The following PTPRT variants were observed in gnomAD, a reference collection of about 807,000 sequenced individuals.
PTPRT encodes the protein receptor-type tyrosine-protein phosphatase T.
PTPRT carries 56 observed loss-of-function variants against 176.8 expected under a neutral mutation model. The ratio of observed to expected loss-of-function variants is 0.32; its 90% CI spans 0.26 to 0.40. The LOEUF is 0.40. Ranked by LOEUF, PTPRT falls within the 10% of genes least tolerant of loss-of-function variation. PTPRT has a pLI of 1.00. For synonymous variants in PTPRT, 783 were observed against 739.0 expected (o/e 1.06, Z -0.96); for missense variants, 1,540 against 1,908.2 (o/e 0.81, Z 3.60).
intron 7 of PTPRT, among the ~76,000 whole-genome samples, chr20:42,666,790 G>T (rs998283382): frequency 6.6e-6 from 1 of 152,116 alleles, no homozygotes. Flanking sequence ...TTTAAGAATA[G>T]GATACATTTT....
intron 9 of PTPRT, among the ~76,000 whole-genome samples, chr20:42,379,359 AAATCCCAAC>A (rs1457120864): frequency 6.6e-6 from 1 of 152,276 alleles, no homozygotes; most frequent in East Asian, 1.9e-4. Context: ...AGCAATAGAG[AAATCCCAAC>A]TGTTTAATCA....
the PTPRT span, among the ~76,000 whole-genome samples, chr20:42,062,292 T>C: frequency 1.1e-4 from 17 of 152,104 alleles, no homozygotes; most frequent in African/African-American, 3.9e-4. Context: ...GTCAGACATG[T>C]AAAGCAATGT....
intron 7 of PTPRT, among the ~76,000 whole-genome samples, chr20:42,609,237 C>A (rs981411995): frequency 3.3e-5 from 5 of 151,936 alleles, no homozygotes; most frequent in African/African-American, 1.2e-4. Flanking sequence ...CCATGCCGGG[C>A]TAATTTTTGT....
chr20:42,322,632 T>C (rs999603974), intron 11 of PTPRT, among the ~76,000 whole-genome samples: 5 of 151,210 alleles, frequency 3.3e-5, no homozygotes, highest in African/African-American at 9.8e-5. Flanking sequence ...AAGACTTAAA[T>C]GTTAGACCTA....
At chr20:42,066,563 A>G in the PTPRT span, among the ~76,000 whole-genome samples, 1 of 152,192 alleles carries the variant, frequency 6.6e-6, no homozygotes, top group East Asian at 1.9e-4. Flanking sequence ...TACATACTGC[A>G]TAATAACTAT....
Position 42,302,800 on chromosome 20 carries a change from A to G in PTPRT, c.2139+12923T>C, listed in dbSNP as rs774796608. ...CTCCTTACAGAGGAGCTCATGACCA[A>G]TGAAGGCACAATTCTGCAGAGTAAA... is the stretch of plus-strand genomic sequence containing the variant. On this transcript the variant is annotated intron_variant, in intron 12 of 30. Transcript: ENST00000373187. Among the ~76,000 whole-genome samples the G allele has an allele frequency of 4.2e-4, 64 of 152,226 alleles. 1 individual carries two copies. Among genetic ancestry groups the G allele is most frequent in the Admixed American group, 5.2e-4 (8 of 15,282 alleles).
intron 2 of PTPRT, among the ~76,000 whole-genome samples, chr20:42,855,636 T>C (rs1000332177): frequency 6.6e-6 from 1 of 152,098 alleles, no homozygotes; most frequent in Non-Finnish European, 1.5e-5. Flanking sequence ...TTCGCCATGT[T>C]GGCCAGGCTT....
At chr20:42,185,923 T>C (rs1990762478) in intron 16 of PTPRT, among the ~76,000 whole-genome samples, 1 of 152,086 alleles carries the variant, frequency 6.6e-6, no homozygotes, top group South Asian at 2.1e-4. Context: ...AACAAAAACA[T>C]GGTCCTCCTT....
rs151037506 is a variant in PTPRT at position 42,990,140 on chromosome 20, T to C, written c.89-104208A>G. On this transcript the variant is annotated intron_variant, in intron 1 of 30. Transcript: ENST00000373187. The stretch of plus-strand genomic sequence containing the variant: ...GAGATATTAAAAAACATATGCACTT[T>C]TAAAAGACATTTTAAAGTCTATGGG... Among the ~76,000 whole-genome samples, 699 of 152,332 alleles carry C rather than the reference T, an allele frequency of 4.6e-3. 1 individual carries two copies. The highest frequency in any genetic ancestry group is 0.024 in the Middle Eastern group (7 of 294).
At chr20:42,980,008 A>C in intron 1 of PTPRT, among the ~76,000 whole-genome samples, 1 of 150,830 alleles carries the variant, frequency 6.6e-6, no homozygotes, top group Non-Finnish European at 1.5e-5. Flanking sequence ...GGTCTTCCTG[A>C]GAGAAAGCAA....
At chr20:42,639,249 T>C (rs544508443) in intron 7 of PTPRT, among the ~76,000 whole-genome samples, 1 of 152,188 alleles carries the variant, frequency 6.6e-6, no homozygotes, top group Admixed American at 6.5e-5. Context: ...AGCTAAGAAA[T>C]AATAGAACAA....
intron 1 of PTPRT, among the ~76,000 whole-genome samples, chr20:42,897,541 C>A (rs1423872108): frequency 1.3e-5 from 2 of 152,206 alleles, no homozygotes; most frequent in Non-Finnish European, 2.9e-5. Flanking sequence ...AGAACCAAAT[C>A]TGATGCCTTC....
At chr20:42,061,919 A>T in the PTPRT span, among the ~76,000 whole-genome samples, 1 of 152,222 alleles carries the variant, frequency 6.6e-6, no homozygotes, top group Admixed American at 6.5e-5. Context: ...CCTGAGAGTG[A>T]CATCAGTTTC....
At chr20:42,576,989 G>A (rs905698185) in intron 7 of PTPRT, among the ~76,000 whole-genome samples, 2 of 152,072 alleles carry the variant, frequency 1.3e-5, no homozygotes, top group Non-Finnish European at 2.9e-5. Flanking sequence ...AATGGTCAGG[G>A]ACAATGTCAG....
Position 42,315,887 on chromosome 20 carries a change from C to A in PTPRT, c.1975G>T (p.Asp659Tyr), listed in dbSNP as rs371433526. The A allele has an allele frequency of 1.2e-6, 2 of 1,613,956 alleles. No homozygotes were observed. The highest frequency in any genetic ancestry group is 2.2e-5 in the South Asian group (2 of 91,056). Residue 659 changes from aspartate (D) to tyrosine (Y), a missense_variant, in exon 12 of 31, where the codon GAT (aspartate) becomes TAT (tyrosine). Asp to Tyr is a radical substitution (Grantham distance 160). This residue lies in a region of PTPRT where 81 missense variants were observed against 89.9 expected (regional missense o/e 0.90). Transcript: ENST00000373187. ...TCAGCAGCAAAGTAGTGTAGAGAATCGAGGCTGGAGGCATTCCGATAGCTC... is the reference window on the plus strand; with the variant it reads ...TCAGCAGCAAAGTAGTGTAGAGAATAGAGGCTGGAGGCATTCCGATAGCTC... ...PVSYRNASSL[D>Y]SLHYFAAELK... is the part of the protein sequence containing the mutation.
At chr20:42,278,935 T>C (rs1308916968) in intron 13 of PTPRT, among the ~76,000 whole-genome samples, 1 of 152,180 alleles carries the variant, frequency 6.6e-6, no homozygotes, top group East Asian at 1.9e-4. Context: ...GTTGAGCCCA[T>C]CCCTCATCTT....
At chr20:42,134,221 G>T (rs764917786) in intron 18 of PTPRT, among the ~76,000 whole-genome samples, 1 of 152,178 alleles carries the variant, frequency 6.6e-6, no homozygotes, top group East Asian at 1.9e-4. Context: ...AAGATGGGGC[G>T]GCAGGCGATG....
intron 1 of PTPRT, among the ~76,000 whole-genome samples, chr20:43,140,712 T>C (rs1311500624): frequency 6.6e-6 from 1 of 152,186 alleles, no homozygotes; most frequent in African/African-American, 2.4e-5. Flanking sequence ...CCATTCAGTG[T>C]TTCAGATTCA....
chr20:42,150,624 G>C (rs959239820), intron 17 of PTPRT, among the ~76,000 whole-genome samples: 3 of 152,290 alleles, frequency 2.0e-5, no homozygotes, highest in Admixed American at 6.5e-5. Context: ...TGCGAGTCAG[G>C]GAAAAGGCAG....
Sources: allele counts gnomAD v4.1 joint callset (sites outside exome capture counted in the v4.1 genomes callset), GRCh38; gene constraint gnomAD v4.1.1; regional missense constraint gnomAD v4.1.1; transcripts MANE v1.5; gene names NCBI Gene and HGNC (gene_info 2026-07-23, HGNC 2026-07-21).